The following HDAC9 variants were observed in gnomAD, a reference collection of about 807,000 sequenced individuals.
HDAC9 encodes the protein MEF-2 interacting transcription repressor (MITR) protein.
A neutral mutation model predicts 139.4 loss-of-function variants in HDAC9; 41 were observed. The observed-to-expected ratio is 0.29, with a 90% CI of 0.23 to 0.38. The LOEUF (loss-of-function observed/expected upper bound fraction) is 0.38, where lower values mean the gene tolerates loss of function less well. HDAC9 is among the 10% of genes least tolerant of loss of function. The pLI is 1.00. For missense variants in HDAC9, 1,147 were observed against 1,297.0 expected (o/e 0.88, Z 1.78); for synonymous variants, 517 against 476.2 (o/e 1.09, Z -1.12).
In HDAC9 at chr7:18,495,846, C is replaced by T; in HGVS notation, c.-219C>T. On this transcript the variant is annotated 5_prime_UTR_variant, in exon 1 of 26. Coordinates refer to ENST00000686413, the MANE Select transcript of HDAC9 (RefSeq NM_178425.4). ...CAAAACCCTAGCAGCCTGAAGAACT[C>T]TAAGCCAGGTTTAATTGGTTTCTTT... 9.5e-7 allele frequency: 1 copy of T among 1,052,730 alleles called. No individual in the cohort carries two copies. 65.2% of individuals were successfully genotyped at this position (1,052,730 alleles called of 1,614,324 possible).
At chr7:18,325,499 C>A (rs1800368580) in intron 1 of HDAC9, 1 of 152,042 alleles carries the variant, frequency 6.6e-6, no homozygotes, top group South Asian at 2.1e-4. Context: ...TTGCCGTTTT[C>A]TTTTTGTTTA....
chr7:18,436,048 G>A (rs567225892), intron 1 of HDAC9, among the ~76,000 whole-genome samples: 1 of 151,636 alleles, frequency 6.6e-6, no homozygotes, highest in African/African-American at 2.4e-5. Flanking sequence ...GAACTCCTGA[G>A]CTCAGGCAAT....
At chr7:18,438,106 ATATT>A (rs1346186646) in intron 1 of HDAC9, among the ~76,000 whole-genome samples, 20 of 150,026 alleles carry the variant, frequency 1.3e-4, no homozygotes, top group South Asian at 4.2e-4. Flanking sequence ...AGTTGGCTAA[ATATT>A]TATATATTAA....
intron 25 of HDAC9, among the ~76,000 whole-genome samples, chr7:18,988,743 G>T (rs1307074486): frequency 2.0e-5 from 3 of 151,696 alleles, no homozygotes; most frequent in African/African-American, 4.8e-5. Flanking sequence ...GAATCTGGGT[G>T]CCCCTGTATT....
intron 1 of HDAC9, among the ~76,000 whole-genome samples, chr7:18,341,419 T>A (rs1221669063): frequency 1.3e-5 from 2 of 151,790 alleles, no homozygotes; most frequent in East Asian, 1.9e-4. Flanking sequence ...TCTTCTTTTT[T>A]AAAAAATTTA....
chr7:18,898,284 A>C (rs1235556474), intron 22 of HDAC9, among the ~76,000 whole-genome samples: 1 of 151,944 alleles, frequency 6.6e-6, no homozygotes, highest in Non-Finnish European at 1.5e-5. Flanking sequence ...GAAGAAGTAC[A>C]TCAGATTACC....
chr7:18,434,991 A>G (rs1216769759), intron 1 of HDAC9, among the ~76,000 whole-genome samples: 2 of 145,742 alleles, frequency 1.4e-5, no homozygotes, highest in Non-Finnish European at 3.0e-5. Context: ...TAATCAACCT[A>G]TATGTCCATT....
chr7:18,829,184 C>A lies in HDAC9; in HGVS notation c.2346C>A (p.Pro782=). ...AGAATGGGTTTGCTGTTGTGAGGCCCCCTGGCCATCACGCTGAAGAATCCA... is the reference window on the plus strand; with the variant it reads ...AGAATGGGTTTGCTGTTGTGAGGCCACCTGGCCATCACGCTGAAGAATCCA... The part of the protein sequence containing the change: ...ELKNGFAVVR[P]PGHHAEESTA... Residue 782 remains proline (P), a synonymous_variant, in exon 18 of 26, where the codon CCC becomes CCA. Coordinates refer to ENST00000686413, the MANE Select transcript of HDAC9 (RefSeq NM_178425.4). 6.2e-7 allele frequency: 1 copy of A among 1,613,374 alleles called. No individual in the cohort carries two copies. Among genetic ancestry groups the A allele is most frequent in the Non-Finnish European group, 8.5e-7 (1 of 1,179,306 alleles).
chr7:18,158,334 G>C (rs1298628236), intron 1 of HDAC9, among the ~76,000 whole-genome samples: 1 of 152,100 alleles, frequency 6.6e-6, no homozygotes, highest in East Asian at 1.9e-4. Flanking sequence ...TGGATTCATT[G>C]TATCATGTTT....
chr7:18,768,594 G>A (rs1281286241), intron 16 of HDAC9, among the ~76,000 whole-genome samples: 2 of 152,132 alleles, frequency 1.3e-5, no homozygotes, highest in East Asian at 3.8e-4. Context: ...TTGGCTTTGT[G>A]CTTATTTTCT....
At chr7:18,593,682 G>A (rs973743618) in intron 5 of HDAC9, among the ~76,000 whole-genome samples, 1 of 152,092 alleles carries the variant, frequency 6.6e-6, no homozygotes, top group Non-Finnish European at 1.5e-5. Context: ...AACTTTCTAT[G>A]TGACTGTATG....
intron 2 of HDAC9, among the ~76,000 whole-genome samples, chr7:18,205,765 A>G (rs1414797812): frequency 1.3e-5 from 2 of 152,120 alleles, no homozygotes; most frequent in African/African-American, 4.8e-5. Context: ...TACTGGTTAG[A>G]AACATTTCAT....
intron 22 of HDAC9, among the ~76,000 whole-genome samples, chr7:18,895,909 A>G (rs1250099840): frequency 6.6e-6 from 1 of 152,070 alleles, no homozygotes; most frequent in Admixed American, 6.6e-5. Flanking sequence ...AAATGGACAT[A>G]TTTCCAAAAG....
At chr7:18,913,987 A>G (rs1335908947) in intron 22 of HDAC9, among the ~76,000 whole-genome samples, 1 of 152,048 alleles carries the variant, frequency 6.6e-6, no homozygotes, top group Non-Finnish European at 1.5e-5. Flanking sequence ...CAAAATTGAT[A>G]TGTTAAAACC....
At chr7:18,106,148 A>G (rs1457473644) in intron 1 of HDAC9, among the ~76,000 whole-genome samples, 1 of 152,224 alleles carries the variant, frequency 6.6e-6, no homozygotes, top group Non-Finnish European at 1.5e-5. Context: ...TGATGGCTGT[A>G]TACCTCTGTG....
At chr7:18,917,654 T>C (rs1803325124) in intron 22 of HDAC9, among the ~76,000 whole-genome samples, 2 of 152,186 alleles carry the variant, frequency 1.3e-5, no homozygotes, top group Admixed American at 6.5e-5. Flanking sequence ...TTGCTGCTTT[T>C]ACTGTGTCCT....
chr7:18,183,560 G>C (rs1007753233), intron 2 of HDAC9, among the ~76,000 whole-genome samples: 6 of 152,168 alleles, frequency 3.9e-5, no homozygotes, highest in African/African-American at 1.4e-4. Context: ...CCCCACAGAA[G>C]ATAGCTGCTT....
At chr7:18,172,296 T>C (rs1788513799) in intron 2 of HDAC9, among the ~76,000 whole-genome samples, 1 of 152,204 alleles carries the variant, frequency 6.6e-6, no homozygotes, top group Non-Finnish European at 1.5e-5. Context: ...GGTGGTGATA[T>C]CCCCTTAATC....
At chr7:18,829,085 G>C (rs1795671230) in intron 17 of HDAC9, 76 bp from the exon 18 acceptor site, 2 of 1,000,596 alleles carry the variant, frequency 2.0e-6, no homozygotes, top group African/African-American at 3.2e-5. Context: ...GCACTGTTGT[G>C]CCTGGAGATC....
Sources: allele counts gnomAD v4.1 joint callset (sites outside exome capture counted in the v4.1 genomes callset), GRCh38; gene constraint gnomAD v4.1.1; transcripts MANE v1.5; gene names NCBI Gene and HGNC (gene_info 2026-07-23, HGNC 2026-07-21).